FAM135A: variants seen among roughly 807,000 people sequenced by gnomAD.
FAM135A encodes family with sequence similarity 135 member A.
Under a neutral mutation model 146.8 loss-of-function variants are expected in FAM135A, and 79 were observed. The ratio of observed to expected loss-of-function variants is 0.54; its 90% confidence interval spans 0.45 to 0.65. The LOEUF is 0.65. FAM135A is among the 30% of genes least tolerant of loss of function. The probability of loss-of-function intolerance (pLI) is 0.00; values close to 1 mark genes in which losing one functional copy is unlikely to be tolerated. For missense variants in FAM135A, 1,623 were observed against 1,758.2 expected (o/e 0.92, Z 1.38); for synonymous variants, 562 against 603.6 (o/e 0.93, Z 1.01).
At chr6:70,553,098 T>C (rs1340960835) in intron 20 of FAM135A, among the ~76,000 whole-genome samples, 3 of 152,180 alleles carry the variant, frequency 2.0e-5, no homozygotes, top group Non-Finnish European at 4.4e-5. Flanking sequence ...GATTATATTT[T>C]TAAAGCACAA....
At chr6:70,476,611 T>C (rs968372557) in intron 7 of FAM135A, among the ~76,000 whole-genome samples, 2 of 152,156 alleles carry the variant, frequency 1.3e-5, no homozygotes, top group African/African-American at 4.8e-5. Flanking sequence ...TTTTTAAGTA[T>C]AATTGGATAT....
intron 5 of FAM135A, among the ~76,000 whole-genome samples, chr6:70,471,000 T>C (rs1286686349): frequency 6.6e-6 from 1 of 152,228 alleles, no homozygotes. Context: ...AAATAATTTA[T>C]GAAATAGTCA....
chr6:70,448,504 C>T (rs1776323021), intron 4 of FAM135A, among the ~76,000 whole-genome samples: 1 of 152,120 alleles, frequency 6.6e-6, no homozygotes. Context: ...AACCGTCGCT[C>T]CGGTGACCCT....
chr6:70,470,715 A>T (rs1278217604), intron 5 of FAM135A, among the ~76,000 whole-genome samples: 2 of 152,236 alleles, frequency 1.3e-5, no homozygotes, highest in African/African-American at 2.4e-5. Flanking sequence ...ATTGTGCAAT[A>T]GTGTGAATAC....
chr6:70,510,896 G>A (rs747951040), intron 12 of FAM135A, among the ~76,000 whole-genome samples: 1 of 151,968 alleles, frequency 6.6e-6, no homozygotes, highest in African/African-American at 2.4e-5. Context: ...CAATGTACAA[G>A]GATTCTAATT....
intron 5 of FAM135A, among the ~76,000 whole-genome samples, chr6:70,468,365 A>C (rs1000683880): frequency 6.6e-6 from 1 of 152,210 alleles, no homozygotes; most frequent in African/African-American, 2.4e-5. Flanking sequence ...ACAGTGCAAA[A>C]GTTACATAGG....
chr6:70,477,286 G>GTTACAGTTCATGCATCATTGGTTGCA lies in FAM135A; in HGVS notation c.497_522dup (p.His176GlnfsTer13). The GTTACAGTTCATGCATCATTGGTTGCA allele has an allele frequency of 6.2e-7, 1 of 1,613,380 alleles. No individual in the cohort carries two copies. Among genetic ancestry groups the GTTACAGTTCATGCATCATTGGTTGCA allele is most frequent in the Non-Finnish European group, 8.5e-7 (1 of 1,179,620 alleles). Reference sequence around the variant, plus strand: ...TTACTTCCACCTTTCTGTTGTGTCTGTTACAGTTCATGCATCATTGGTTGC... The same window carrying GTTACAGTTCATGCATCATTGGTTGCA: ...TTACTTCCACCTTTCTGTTGTGTCTGTTACAGTTCATGCATCATTGGTTGCATTACAGTTCATGCATCATTGGTTGC... On this transcript the variant is annotated frameshift_variant, in exon 8 of 22. Transcript: ENST00000418814. LOFTEE classifies it high-confidence loss of function.
At chr6:70,534,073 G>A (rs1796325692) in intron 18 of FAM135A, among the ~76,000 whole-genome samples, 1 of 152,000 alleles carries the variant, frequency 6.6e-6, no homozygotes, top group Admixed American at 6.6e-5. Context: ...TTTGCTTAGA[G>A]CTGGGGAAGA....
At chr6:70,516,306 A>AAAG (rs888786313) in intron 12 of FAM135A, among the ~76,000 whole-genome samples, 2 of 152,130 alleles carry the variant, frequency 1.3e-5, no homozygotes, top group Non-Finnish European at 2.9e-5. Flanking sequence ...ACTGTGCTAG[A>AAAG]AAGAGTGGGA....
At chr6:70,473,871 T>C (rs888995075) in intron 5 of FAM135A, among the ~76,000 whole-genome samples, 1 of 152,172 alleles carries the variant, frequency 6.6e-6, no homozygotes, top group African/African-American at 2.4e-5. Flanking sequence ...CTACACACCC[T>C]GTACCAGGCT....
chr6:70,535,684 A>G (rs10485119), intron 18 of FAM135A, among the ~76,000 whole-genome samples: 6,516 of 152,246 alleles, frequency 0.043, 297 homozygotes, highest in African/African-American at 0.1. Flanking sequence ...AAACCATTTC[A>G]TAACAAAAGT....
intron 4 of FAM135A, among the ~76,000 whole-genome samples, chr6:70,450,798 G>A (rs1401551846): frequency 8.3e-6 from 1 of 120,360 alleles, no homozygotes; most frequent in East Asian, 2.7e-4. Flanking sequence ...TGTTAGTGCA[G>A]TGGTATGATC....
At chr6:70,479,733 A>G (rs1347474455) in intron 8 of FAM135A, among the ~76,000 whole-genome samples, 1 of 152,142 alleles carries the variant, frequency 6.6e-6, no homozygotes, top group South Asian at 2.1e-4. Context: ...TTTTTAATTT[A>G]TAACATTATC....
chr6:70,491,317 ATAAT>A (rs1785930094), intron 11 of FAM135A, among the ~76,000 whole-genome samples: 1 of 151,982 alleles, frequency 6.6e-6, no homozygotes, highest in East Asian at 1.9e-4. Context: ...AATAGCAAAG[ATAAT>A]TAACTGATCA....
chr6:70,502,829 A>G lies in FAM135A; in HGVS notation c.1029+38A>G, dbSNP rs774560827. ...GAAGTGATTTTAGAGCATTTTAATG[A>G]GTATTATTTACCTTTAGAAAATTTT... On this transcript the variant is annotated intron_variant, in intron 12 of 21. Coordinates refer to ENST00000418814, the MANE Select transcript of FAM135A (RefSeq NM_001162529.3). 4 of 1,572,594 alleles carry G rather than the reference A, an allele frequency of 2.5e-6. No homozygotes were observed. In the Admixed American group the frequency reaches 7.6e-5, roughly 30 times the overall value.
At chr6:70,509,023 G>T (rs1053640059) in intron 12 of FAM135A, among the ~76,000 whole-genome samples, 1 of 152,114 alleles carries the variant, frequency 6.6e-6, no homozygotes, top group East Asian at 1.9e-4. Context: ...CTTAAAATGC[G>T]TGCACTGTTA....
intron 10 of FAM135A, among the ~76,000 whole-genome samples, chr6:70,488,973 A>G (rs1175068688): frequency 6.6e-6 from 1 of 152,186 alleles, no homozygotes; most frequent in Non-Finnish European, 1.5e-5. Flanking sequence ...TTTAGAGTTA[A>G]ATTATGCTTT....
intron 4 of FAM135A, among the ~76,000 whole-genome samples, chr6:70,449,916 C>G (rs369384632): frequency 6.6e-6 from 1 of 152,128 alleles, no homozygotes; most frequent in Non-Finnish European, 1.5e-5. Flanking sequence ...ACATCCTCAC[C>G]GACACTATCT....
At chr6:70,502,373 A>G (rs537231791) in intron 11 of FAM135A, among the ~76,000 whole-genome samples, 5 of 152,288 alleles carry the variant, frequency 3.3e-5, no homozygotes, top group East Asian at 1.9e-4. Context: ...TTAGTTTGCA[A>G]TTGACATTAT....
Sources: allele counts gnomAD v4.1 joint callset (sites outside exome capture counted in the v4.1 genomes callset), GRCh38; gene constraint gnomAD v4.1.1; transcripts MANE v1.5; gene names NCBI Gene and HGNC (gene_info 2026-07-23, HGNC 2026-07-21).